JMJD1C: variants seen among roughly 807,000 people sequenced by gnomAD.
The protein encoded by JMJD1C is jumonji domain-containing protein 1C.
JMJD1C carries 31 observed loss-of-function variants against 245.3 expected under a neutral mutation model. The observed-to-expected ratio is 0.13, with a 90% CI of 0.09 to 0.17. The LOEUF (loss-of-function observed/expected upper bound fraction) is 0.17, where lower values mean the gene tolerates loss of function less well. Among genes scored for constraint, JMJD1C ranks in the 10% least tolerant of loss-of-function variants. The pLI is 1.00. For missense variants in JMJD1C, 2,691 were observed against 3,000.2 expected (o/e 0.90, Z 2.41); for synonymous variants, 1,057 against 1,017.4 (o/e 1.04, Z -0.74).
chr10:63,491,722 C>CT (rs1305620483), intron 1 of JMJD1C, among the ~76,000 whole-genome samples: 1 of 152,216 alleles, frequency 6.6e-6, no homozygotes, highest in African/African-American at 2.4e-5. Flanking sequence ...CCTCCTAGTT[C>CT]TTCCCATAAC....
intron 2 of JMJD1C, among the ~76,000 whole-genome samples, chr10:63,362,695 A>G (rs2134372242): frequency 6.6e-6 from 1 of 152,106 alleles, no homozygotes; most frequent in East Asian, 1.9e-4. Context: ...TACTTGGGCT[A>G]GTCTCGAACT....
intron 10 of JMJD1C, chr10:63,204,744 T>A (rs1306334027): frequency 1.0e-6 from 1 of 985,350 alleles, no homozygotes; most frequent in Non-Finnish European, 1.2e-6. Flanking sequence ...CATTTCAGTC[T>A]GTCAGTCTCT....
At chr10:63,314,121 T>C (rs1213411302) in intron 2 of JMJD1C, among the ~76,000 whole-genome samples, 1 of 152,234 alleles carries the variant, frequency 6.6e-6, no homozygotes, top group Admixed American at 6.5e-5. Flanking sequence ...AGGATCCAGT[T>C]TCATTCTTCT....
intron 3 of JMJD1C, among the ~76,000 whole-genome samples, chr10:63,249,627 A>C (rs1443515804): frequency 1.3e-5 from 2 of 152,136 alleles, no homozygotes; most frequent in African/African-American, 2.4e-5. Context: ...TTGGGAGGCC[A>C]AGGCAGGCAG....
intron 10 of JMJD1C, among the ~76,000 whole-genome samples, chr10:63,201,823 G>A (rs1195316044): frequency 1.3e-5 from 2 of 151,872 alleles, no homozygotes; most frequent in South Asian, 2.1e-4. Flanking sequence ...CCAGCTACTC[G>A]GGAGGCTGAG....
Position 63,242,272 on chromosome 10 carries a change from T to C in JMJD1C, c.448-22289A>G, listed in dbSNP as rs916869537. Among the ~76,000 whole-genome samples the C allele has an allele frequency of 2.0e-5, 3 of 152,356 alleles. No homozygotes were observed. The South Asian group carries it at 6.2e-4, about 32-fold the overall frequency. ...AGAATTTTCTACAGCATAAATGGTA[T>C]ATACATGCACTGTCCCACATACGAT... is the stretch of plus-strand genomic sequence containing the variant. On this transcript the variant is annotated intron_variant, in intron 3 of 25. Coordinates refer to ENST00000399262, the MANE Select transcript of JMJD1C (RefSeq NM_032776.3).
chr10:63,408,059 A>G (rs549719118), intron 1 of JMJD1C, among the ~76,000 whole-genome samples: 1 of 152,048 alleles, frequency 6.6e-6, no homozygotes, highest in African/African-American at 2.4e-5. Context: ...TTTCAGAACT[A>G]ACACTCATAA....
rs1026921600 is a variant in JMJD1C at position 63,228,056 on chromosome 10, A to C, written c.448-8073T>G. Reference sequence around the variant, plus strand: ...ATACCACCTGCAGTTAACTAAATGAAGGTACCGCTGAAGGCTTCCATGTAT... The same window carrying C: ...ATACCACCTGCAGTTAACTAAATGACGGTACCGCTGAAGGCTTCCATGTAT... On this transcript the variant is annotated intron_variant, in intron 3 of 25. Coordinates refer to ENST00000399262, the MANE Select transcript of JMJD1C (RefSeq NM_032776.3). 6.9e-4 allele frequency among the ~76,000 whole-genome samples: 105 copies of C among 152,304 alleles called. 1 individual carries two copies. Among genetic ancestry groups the C allele is most frequent in the Non-Finnish European group, 7.3e-5 (5 of 68,034 alleles).
intron 3 of JMJD1C, among the ~76,000 whole-genome samples, chr10:63,244,445 G>C (rs1199768650): frequency 6.6e-6 from 1 of 152,080 alleles, no homozygotes; most frequent in Non-Finnish European, 1.5e-5. Flanking sequence ...TCTAATTAAA[G>C]CCAAAACACG....
intron 2 of JMJD1C, among the ~76,000 whole-genome samples, chr10:63,367,697 TG>T (rs765142815): frequency 2.5e-4 from 38 of 152,332 alleles, no homozygotes; most frequent in Admixed American, 5.2e-4. Flanking sequence ...CAGAGTCAAA[TG>T]CTTTTAAATG....
chr10:63,242,556 T>C (rs776512611), intron 3 of JMJD1C, among the ~76,000 whole-genome samples: 1 of 152,080 alleles, frequency 6.6e-6, no homozygotes, highest in African/African-American at 2.4e-5. Context: ...ACAAACCCTG[T>C]CTCTTCTAAA....
chr10:63,410,973 T>C (rs1459301365), intron 1 of JMJD1C, among the ~76,000 whole-genome samples: 3 of 152,208 alleles, frequency 2.0e-5, no homozygotes, highest in Non-Finnish European at 4.4e-5. Context: ...CTATGTCCCA[T>C]TTAATGAAGA....
intron 1 of JMJD1C, among the ~76,000 whole-genome samples, chr10:63,502,710 T>C (rs1002398342): frequency 6.7e-6 from 1 of 150,188 alleles, no homozygotes; most frequent in Admixed American, 6.6e-5. Flanking sequence ...ACTGCCAATA[T>C]AATATATTCT....
chr10:63,293,886 A>T (rs947101361), intron 2 of JMJD1C, among the ~76,000 whole-genome samples: 1 of 152,010 alleles, frequency 6.6e-6, no homozygotes, highest in Non-Finnish European at 1.5e-5. Flanking sequence ...ACTCCAACTG[A>T]TCAACTTATG....
intron 2 of JMJD1C, among the ~76,000 whole-genome samples, chr10:63,297,129 T>C (rs901723167): frequency 2.6e-5 from 4 of 152,208 alleles, no homozygotes; most frequent in African/African-American, 7.2e-5. Context: ...AGTGTTTATT[T>C]AAAAACATTA....
chr10:63,379,124 G>C (rs1034865386), intron 2 of JMJD1C, among the ~76,000 whole-genome samples: 2 of 151,858 alleles, frequency 1.3e-5, no homozygotes, highest in Non-Finnish European at 2.9e-5. Context: ...ATACAGAAAA[G>C]CATCAGGATT....
At chr10:63,456,341 TTCA>T (rs1310621812) in intron 1 of JMJD1C, among the ~76,000 whole-genome samples, 8 of 152,100 alleles carry the variant, frequency 5.3e-5, no homozygotes, top group South Asian at 2.1e-4. Context: ...ATTGGAATAG[TTCA>T]TCAACTTTAA....
intron 3 of JMJD1C, among the ~76,000 whole-genome samples, chr10:63,223,330 C>T (rs1050979745): frequency 2.0e-5 from 3 of 151,134 alleles, no homozygotes; most frequent in African/African-American, 4.9e-5. Context: ...CAAGTTCAAG[C>T]GATTCTCCTG....
intron 1 of JMJD1C, chr10:63,465,249 G>T (rs1294727611): frequency 3.8e-5 from 17 of 444,890 alleles, no homozygotes; most frequent in Non-Finnish European, 6.3e-5. Flanking sequence ...TCCGGGATGG[G>T]GGCCAGGGCA....
Sources: gnomAD v4.1 joint callset for allele counts (sites outside exome capture counted in the v4.1 genomes callset) on GRCh38, gnomAD v4.1.1 for gene constraint, MANE v1.5 for transcripts, NCBI Gene and HGNC (gene_info 2026-07-23, HGNC 2026-07-21) for gene names.